POU6F2: variants seen among roughly 807,000 people sequenced by gnomAD.
POU6F2 encodes POU domain, class 6, transcription factor 2.
A neutral mutation model predicts 71.3 loss-of-function variants in POU6F2; 31 were observed. That is an observed-to-expected ratio of 0.43 (90% CI 0.33 to 0.59). The LOEUF is 0.59. Ranked by LOEUF, POU6F2 falls within the 20% of genes least tolerant of loss-of-function variation. The pLI, the probability that POU6F2 is intolerant of heterozygous loss-of-function variation, is 0.04. For synonymous variants in POU6F2, 347 were observed against 355.7 expected (o/e 0.98, Z 0.27); for missense variants, 783 against 856.8 (o/e 0.91, Z 1.07).
Position 39,464,884 on chromosome 7 carries a change from A to G in POU6F2, c.*198A>G, listed in dbSNP as rs1356496688. On this transcript the variant is annotated 3_prime_UTR_variant, in exon 10 of 10. Transcript: ENST00000518318. The surrounding 1 kb of genome is among the most constrained non-coding windows in gnomAD (Gnocchi z 4.1). ...CATGTCCGTTGGTTTTCCAAAAAGG[A>G]AAGAAGAAAATTTTTAGAAAATTTT... The G allele has an allele frequency of 1.2e-5, 9 of 741,456 alleles. No individual in the cohort carries two copies. The highest frequency in any genetic ancestry group is 1.1e-4 in the East Asian group (4 of 35,916). 45.9% of individuals were successfully genotyped at this position (741,456 alleles called of 1,614,324 possible).
intron 4 of POU6F2, among the ~76,000 whole-genome samples, chr7:39,224,895 G>A (rs892899432): frequency 7.9e-5 from 12 of 152,180 alleles, no homozygotes; most frequent in African/African-American, 2.4e-4. Flanking sequence ...TGAAACCTGG[G>A]ACAGCCTTGT....
chr7:39,290,031 A>T (rs1171049694), intron 4 of POU6F2, among the ~76,000 whole-genome samples: 2 of 152,242 alleles, frequency 1.3e-5, no homozygotes, highest in African/African-American at 4.8e-5. Context: ...TTTCTCTTTA[A>T]TTAGAAATGA....
intron 5 of POU6F2, among the ~76,000 whole-genome samples, chr7:39,381,559 T>A (rs933995088): frequency 1.3e-5 from 2 of 152,146 alleles, no homozygotes; most frequent in Non-Finnish European, 2.9e-5. Context: ...TTTCCATTTT[T>A]AAAAACTTCT....
At chr7:39,318,643 A>G (rs561368726) in intron 4 of POU6F2, among the ~76,000 whole-genome samples, 1 of 152,234 alleles carries the variant, frequency 6.6e-6, no homozygotes, top group Non-Finnish European at 1.5e-5. Flanking sequence ...AAAACAAAGC[A>G]AGGCTCAGTT....
At chr7:39,108,312 C>G (rs865877874) in intron 2 of POU6F2, among the ~76,000 whole-genome samples, 1 of 151,574 alleles carries the variant, frequency 6.6e-6, no homozygotes, top group African/African-American at 2.4e-5. Context: ...TTTTTCTCTC[C>G]TTTGATGATC....
At chr7:39,133,833 A>T (rs1294693508) in intron 2 of POU6F2, among the ~76,000 whole-genome samples, 1 of 152,230 alleles carries the variant, frequency 6.6e-6, no homozygotes, top group Non-Finnish European at 1.5e-5. Flanking sequence ...GGGCTGGAAC[A>T]TAGTAGAAAC....
chr7:39,423,034 GAC>G (rs1787887159), intron 6 of POU6F2, among the ~76,000 whole-genome samples: 2 of 152,132 alleles, frequency 1.3e-5, no homozygotes, highest in Non-Finnish European at 1.5e-5. Flanking sequence ...AAAATGAGTA[GAC>G]ATTTCAATCC....
chr7:39,142,791 G>A (rs938661888), intron 2 of POU6F2, among the ~76,000 whole-genome samples: 8 of 152,084 alleles, frequency 5.3e-5, no homozygotes, highest in Non-Finnish European at 1.2e-4. Context: ...CTTCTTTCCT[G>A]TAATTCATTC....
At chr7:38,993,159 C>T (rs888694057) in intron 1 of POU6F2, among the ~76,000 whole-genome samples, 1 of 152,026 alleles carries the variant, frequency 6.6e-6, no homozygotes, top group African/African-American at 2.4e-5. Flanking sequence ...GATCACTTGA[C>T]ATTTAATTTT....
chr7:39,292,389 G>A (rs1421738587), intron 4 of POU6F2, among the ~76,000 whole-genome samples: 1 of 152,186 alleles, frequency 6.6e-6, no homozygotes, highest in Non-Finnish European at 1.5e-5. Context: ...AAAGGGCAGG[G>A]AGTCCTGGCC....
chr7:39,440,284 C>A (rs775942291), intron 7 of POU6F2, among the ~76,000 whole-genome samples: 1 of 152,172 alleles, frequency 6.6e-6, no homozygotes, highest in Non-Finnish European at 1.5e-5. Flanking sequence ...TGTTTTCCAG[C>A]GTGTTTCCAT....
chr7:38,990,748 A>C (rs1788582751), intron 1 of POU6F2, among the ~76,000 whole-genome samples: 1 of 151,978 alleles, frequency 6.6e-6, no homozygotes, highest in African/African-American at 2.4e-5. Flanking sequence ...TTCAGTGATC[A>C]CTCTGAATCA....
chr7:39,051,056 C>T (rs980900593), intron 1 of POU6F2, among the ~76,000 whole-genome samples: 1 of 152,094 alleles, frequency 6.6e-6, no homozygotes. Flanking sequence ...CACTTAGATC[C>T]CACAGGCCAC....
chr7:39,104,329 G>A (rs80093510), intron 2 of POU6F2, among the ~76,000 whole-genome samples: 1 of 152,248 alleles, frequency 6.6e-6, no homozygotes, highest in East Asian at 1.9e-4. Flanking sequence ...GGTAGAGATA[G>A]TGCATTTCTG....
At chr7:39,014,687 G>A (rs964509843) in intron 1 of POU6F2, among the ~76,000 whole-genome samples, 1 of 151,892 alleles carries the variant, frequency 6.6e-6, no homozygotes, top group African/African-American at 2.4e-5. Context: ...CTATAGCTTA[G>A]ACAGCTTAGA....
chr7:39,466,263 G>A lies in POU6F2; in HGVS notation c.*1577G>A, dbSNP rs560256409. On this transcript the variant is annotated 3_prime_UTR_variant, in exon 10 of 10. Transcript: ENST00000518318. Reference sequence around the variant, plus strand: ...TAACAATCAGAATAGCCTGCAATATGAGAACTAGAGGATTATTTCCTTTAA... The same window carrying A: ...TAACAATCAGAATAGCCTGCAATATAAGAACTAGAGGATTATTTCCTTTAA... 11 of 149,918 alleles carry A rather than the reference G, an allele frequency of 7.3e-5. No individual in the cohort carries two copies. Among genetic ancestry groups the A allele is most frequent in the Non-Finnish European group, 1.2e-4 (8 of 67,594 alleles). The allele number at this position is 149,918 out of a possible 1,614,324, so 9.3% of individuals were successfully genotyped here.
At chr7:39,447,303 A>G (rs939411394) in intron 7 of POU6F2, among the ~76,000 whole-genome samples, 14 of 152,334 alleles carry the variant, frequency 9.2e-5, no homozygotes, top group Admixed American at 5.9e-4. Flanking sequence ...GTAGCTCACC[A>G]TGATCTATCA....
chr7:39,445,523 C>G (rs527785232), intron 7 of POU6F2, among the ~76,000 whole-genome samples: 2 of 152,200 alleles, frequency 1.3e-5, no homozygotes, highest in African/African-American at 4.8e-5. Context: ...CTCATCCATT[C>G]TTTGGGGTCT....
At chr7:38,988,668 C>T (rs891107811) in intron 1 of POU6F2, among the ~76,000 whole-genome samples, 1 of 152,074 alleles carries the variant, frequency 6.6e-6, no homozygotes, top group African/African-American at 2.4e-5. Flanking sequence ...ATAATTTAAT[C>T]CTCACGCCAG....
Sources: gnomAD v4.1 joint callset for allele counts (sites outside exome capture counted in the v4.1 genomes callset) on GRCh38, gnomAD v4.1.1 for gene constraint, Gnocchi (gnomAD v3.1) non-coding constraint, MANE v1.5 for transcripts, NCBI Gene and HGNC (gene_info 2026-07-23, HGNC 2026-07-21) for gene names.